Variants in TMEM132B observed in about 807,000 individuals in gnomAD.
TMEM132B encodes the protein transmembrane protein 132B.
TMEM132B carries 18 observed loss-of-function variants against 90.8 expected under a neutral mutation model. That is an observed-to-expected ratio of 0.20 (90% confidence interval 0.14 to 0.29). The LOEUF is 0.29. Among genes scored for constraint, TMEM132B ranks in the 10% least tolerant of loss-of-function variants. The pLI is 1.00. For synonymous variants in TMEM132B, 504 were observed against 523.3 expected (o/e 0.96, Z 0.50); for missense variants, 1,096 against 1,326.8 (o/e 0.83, Z 2.70).
intron 5 of TMEM132B, among the ~76,000 whole-genome samples, chr12:125,630,713 T>A (rs1886349289): frequency 6.6e-6 from 1 of 152,042 alleles, no homozygotes. Flanking sequence ...TAGTACCCAA[T>A]ATTTTTTCTG....
At chr12:125,497,520 T>C (rs1007726703) in intron 3 of TMEM132B, among the ~76,000 whole-genome samples, 2 of 152,122 alleles carry the variant, frequency 1.3e-5, no homozygotes, top group Non-Finnish European at 2.9e-5. Flanking sequence ...GAAAAGTGAG[T>C]TGGGTGGTGA....
At chr12:125,316,763 G>A (rs950560421) in intron 1 of TMEM132B, among the ~76,000 whole-genome samples, 8 of 152,204 alleles carry the variant, frequency 5.3e-5, no homozygotes, top group Non-Finnish European at 1.2e-4. Context: ...CTGCAGTGAC[G>A]TAAGCGAGGG....
rs548410143 is a variant in TMEM132B, at chr12:125,436,078, G to A, written c.1106+20401G>A. Among the ~76,000 whole-genome samples, 422 of 152,284 alleles carry A rather than the reference G, an allele frequency of 2.8e-3. 2 individuals carry two copies. Among genetic ancestry groups the A allele is most frequent in the Non-Finnish European group, 5.4e-3 (369 of 68,032 alleles). The stretch of plus-strand genomic sequence containing the variant: ...GGCAAAGCATCTGGTGGGCGTTGCG[G>A]TCTTTGCCTCTTTCCATCTGGTCCC... On this transcript the variant is annotated intron_variant, in intron 3 of 8. Transcript: ENST00000682704.
At chr12:125,297,085 G>A (rs1044111290) in intron 1 of TMEM132B, among the ~76,000 whole-genome samples, 1 of 152,202 alleles carries the variant, frequency 6.6e-6, no homozygotes, top group African/African-American at 2.4e-5. Flanking sequence ...TAAGGGGAGG[G>A]TGACGGAGCT....
At chr12:125,325,163 T>A (rs1385030767) in intron 1 of TMEM132B, among the ~76,000 whole-genome samples, 1 of 152,196 alleles carries the variant, frequency 6.6e-6, no homozygotes. Context: ...CATCTGCCAG[T>A]TGCTTACATT....
At chr12:125,238,720 A>C (rs115152756) in intron 1 of TMEM132B, among the ~76,000 whole-genome samples, 1 of 151,644 alleles carries the variant, frequency 6.6e-6, no homozygotes, top group Non-Finnish European at 1.5e-5. Context: ...TTTCACCCAC[A>C]TGGGACGTTT....
At chr12:125,295,564 GAGAC>G (rs1412101155) in intron 1 of TMEM132B, among the ~76,000 whole-genome samples, 3 of 152,298 alleles carry the variant, frequency 2.0e-5, no homozygotes, top group Non-Finnish European at 4.4e-5. Flanking sequence ...GACAGAGACA[GAGAC>G]AGACAGACTT....
intron 3 of TMEM132B, among the ~76,000 whole-genome samples, chr12:125,418,121 C>A (rs188377617): frequency 6.6e-6 from 1 of 152,232 alleles, no homozygotes; most frequent in East Asian, 1.9e-4. Flanking sequence ...ATGGTGATAT[C>A]CATGGTCTAT....
At chr12:125,286,053 C>G (rs1428462135) in intron 1 of TMEM132B, among the ~76,000 whole-genome samples, 1 of 152,216 alleles carries the variant, frequency 6.6e-6, no homozygotes, top group African/African-American at 2.4e-5. Context: ...AATGAATCAT[C>G]CTCATATGTT....
At chr12:125,345,065 G>A (rs1221426952) in intron 1 of TMEM132B, among the ~76,000 whole-genome samples, 1 of 152,156 alleles carries the variant, frequency 6.6e-6, no homozygotes, top group Non-Finnish European at 1.5e-5. Context: ...GTAGTGAATT[G>A]TATCAGTTGT....
chr12:125,555,414 T>C (rs1246600875), intron 4 of TMEM132B, among the ~76,000 whole-genome samples: 1 of 150,808 alleles, frequency 6.6e-6, no homozygotes, highest in African/African-American at 2.4e-5. Flanking sequence ...TTCTTGAGAA[T>C]CAGTCTGGAA....
intron 5 of TMEM132B, among the ~76,000 whole-genome samples, chr12:125,643,076 C>T (rs140391730): frequency 9.9e-4 from 150 of 152,184 alleles, no homozygotes; most frequent in Non-Finnish European, 1.3e-3. Flanking sequence ...CAGTTGGGCA[C>T]GTGTGTCTGG....
At chr12:125,500,988 C>A (rs368917831) in intron 3 of TMEM132B, among the ~76,000 whole-genome samples, 1 of 152,112 alleles carries the variant, frequency 6.6e-6, no homozygotes, top group African/African-American at 2.4e-5. Flanking sequence ...AAACAGAAGA[C>A]AGGTGAAGAC....
intron 1 of TMEM132B, among the ~76,000 whole-genome samples, chr12:125,201,845 G>T (rs780632858): frequency 1.3e-5 from 2 of 152,204 alleles, no homozygotes; most frequent in Non-Finnish European, 2.9e-5. Flanking sequence ...TTGCCAGTCG[G>T]TGAGTTCAGT....
intron 1 of TMEM132B, among the ~76,000 whole-genome samples, chr12:125,244,844 G>A (rs11058102): frequency 0.053 from 8,066 of 152,234 alleles, 289 homozygotes; most frequent in African/African-American, 0.092. Context: ...CTCCTGAGCC[G>A]CTGAAAGAAG....
At chr12:125,632,155 GT>G (rs1015776620) in intron 5 of TMEM132B, among the ~76,000 whole-genome samples, 41 of 151,888 alleles carry the variant, frequency 2.7e-4, no homozygotes, top group African/African-American at 9.2e-4. Context: ...TTTGTTACAT[GT>G]TTTTTAGTTT....
intron 1 of TMEM132B, among the ~76,000 whole-genome samples, chr12:125,339,815 A>G (rs1265719395): frequency 6.6e-6 from 1 of 152,202 alleles, no homozygotes; most frequent in Non-Finnish European, 1.5e-5. Flanking sequence ...GCCTTATTTT[A>G]GCTATATTGC....
chr12:125,312,149 T>C (rs73233361), intron 1 of TMEM132B, among the ~76,000 whole-genome samples: 12,838 of 152,264 alleles, frequency 0.084, 597 homozygotes, highest in Non-Finnish European at 0.1. Context: ...CAAGAGAAGC[T>C]GGAAATTCAG....
At chr12:125,267,807 A>G (rs918945816) in intron 1 of TMEM132B, among the ~76,000 whole-genome samples, 1 of 151,576 alleles carries the variant, frequency 6.6e-6, no homozygotes, top group Non-Finnish European at 1.5e-5. Flanking sequence ...GAAGCTAGAA[A>G]TCTAGATTTT....
Sources: allele counts gnomAD v4.1 joint callset (sites outside exome capture counted in the v4.1 genomes callset), GRCh38; gene constraint gnomAD v4.1.1; transcripts MANE v1.5; gene names NCBI Gene and HGNC (gene_info 2026-07-23, HGNC 2026-07-21).